PTPRT: variants seen among roughly 807,000 people sequenced by gnomAD.
PTPRT encodes the protein protein tyrosine phosphatase receptor type T.
A neutral mutation model predicts 176.8 loss-of-function variants in PTPRT; 56 were observed. The observed-to-expected ratio is 0.32, with a 90% CI of 0.26 to 0.40. The LOEUF (loss-of-function observed/expected upper bound fraction) is 0.40. PTPRT is among the 10% of genes least tolerant of loss of function. The pLI is 1.00. For synonymous variants in PTPRT, 783 were observed against 739.0 expected, an observed-to-expected ratio of 1.06 and a Z score of -0.96; for missense variants, 1,540 against 1,908.2, an observed-to-expected ratio of 0.81 and a Z score of 3.60.
intron 11 of PTPRT, among the ~76,000 whole-genome samples, chr20:42,317,837 T>C (rs2057742760): frequency 6.6e-6 from 1 of 152,112 alleles, no homozygotes; most frequent in Non-Finnish European, 1.5e-5. Flanking sequence ...CTTAGATGAG[T>C]GCAGGTAAAC....
chr20:42,115,183 C>A lies in PTPRT; in HGVS notation c.3099+16G>T, dbSNP rs1250256752. 5 of 1,590,930 alleles carry A rather than the reference C, an allele frequency of 3.1e-6. No individual in the cohort carries two copies. The highest frequency in any genetic ancestry group is 1.3e-5 in the African/African-American group (1 of 74,412). On this transcript the variant is annotated intron_variant, in intron 22 of 30. Coordinates refer to ENST00000373187, the MANE Select transcript of PTPRT (RefSeq NM_007050.6). ...CTCATGGTGGACCGGCTGCCCACAG[C>A]CTCCAAGAAGCTTACCTTCTGGACT...
intron 9 of PTPRT, among the ~76,000 whole-genome samples, chr20:42,436,540 G>T (rs529753312): frequency 6.6e-6 from 1 of 152,304 alleles, no homozygotes; most frequent in East Asian, 1.9e-4. Flanking sequence ...AACACCAAAT[G>T]TTGGAGAGGG....
intron 15 of PTPRT, among the ~76,000 whole-genome samples, chr20:42,200,687 C>T (rs777378077): frequency 2.0e-5 from 3 of 152,126 alleles, no homozygotes; most frequent in Non-Finnish European, 4.4e-5. Flanking sequence ...TCAAATATTT[C>T]GAAAAAGCGA....
intron 8 of PTPRT, among the ~76,000 whole-genome samples, chr20:42,448,770 C>A (rs2070775447): frequency 6.6e-6 from 1 of 151,826 alleles, no homozygotes; most frequent in Non-Finnish European, 1.5e-5. Context: ...GGTGTCTAAT[C>A]TTTTGGCTTC....
In PTPRT at chr20:43,131,831, C is replaced by T. The variant is rs145181422; in HGVS notation, c.88+57815G>A. 1.5e-4 allele frequency among the ~76,000 whole-genome samples: 23 copies of T among 152,202 alleles called. No homozygotes were observed. In the East Asian group the frequency reaches 4.4e-3, roughly 29 times the overall value. On this transcript the variant is annotated intron_variant, in intron 1 of 30. Transcript: ENST00000373187. ...CGCATCATGCTTTAATAAGATTCAT[C>T]CCCCAAACACAGGCTATCAAAATAA...
At chr20:42,464,217 C>T (rs2071067807) in intron 8 of PTPRT, among the ~76,000 whole-genome samples, 1 of 152,144 alleles carries the variant, frequency 6.6e-6, no homozygotes, top group Admixed American at 6.5e-5. Flanking sequence ...AGGGCATGAA[C>T]TTTTATGTGG....
chr20:43,095,637 C>T (rs2012103634), intron 1 of PTPRT, among the ~76,000 whole-genome samples: 3 of 151,160 alleles, frequency 2.0e-5, no homozygotes, highest in Admixed American at 6.6e-5. Context: ...GATCTCTCTC[C>T]CTGACTCTCT....
chr20:42,646,879 A>C (rs2074914184), intron 7 of PTPRT, among the ~76,000 whole-genome samples: 1 of 104,380 alleles, frequency 9.6e-6, no homozygotes, highest in Non-Finnish European at 1.7e-5. Flanking sequence ...AACCTAAGAC[A>C]GCCTTTTTTT....
chr20:42,251,613 C>G (rs1439869026), intron 13 of PTPRT, among the ~76,000 whole-genome samples: 2 of 151,258 alleles, frequency 1.3e-5, no homozygotes, highest in Non-Finnish European at 2.9e-5. Context: ...GGGGTGAGTT[C>G]CAAAGGAAGA....
chr20:43,090,387 C>T (rs528918864), intron 1 of PTPRT, among the ~76,000 whole-genome samples: 5 of 151,956 alleles, frequency 3.3e-5, no homozygotes, highest in Non-Finnish European at 7.4e-5. Flanking sequence ...CCTGCCTCAG[C>T]CTCCTGAGTA....
chr20:42,813,496 A>G (rs2077731493), intron 2 of PTPRT, among the ~76,000 whole-genome samples: 1 of 141,386 alleles, frequency 7.1e-6, no homozygotes, highest in African/African-American at 2.7e-5. Context: ...CAAAATTAGT[A>G]TTTGTGGTAT....
At chr20:42,773,188 T>C (rs2077087953) in intron 4 of PTPRT, among the ~76,000 whole-genome samples, 1 of 152,204 alleles carries the variant, frequency 6.6e-6, no homozygotes. Context: ...GTGACCCCTT[T>C]CCATGCTATT....
chr20:42,054,706 TTC>T, the PTPRT span, among the ~76,000 whole-genome samples: 1 of 152,200 alleles, frequency 6.6e-6, no homozygotes, highest in Non-Finnish European at 1.5e-5. Context: ...CCCACATTCC[TTC>T]TCTCTCTTTG....
At chr20:42,886,132 C>T (rs1291012031) in intron 1 of PTPRT, among the ~76,000 whole-genome samples, 200 bp from the exon 2 acceptor site, 1 of 152,048 alleles carries the variant, frequency 6.6e-6, no homozygotes, top group Non-Finnish European at 1.5e-5. Flanking sequence ...GCACTGGCAT[C>T]TGCAGGCCTC....
At chr20:42,324,321 A>G (rs1284875328) in intron 11 of PTPRT, among the ~76,000 whole-genome samples, 4 of 152,210 alleles carry the variant, frequency 2.6e-5, no homozygotes, top group Non-Finnish European at 5.9e-5. Flanking sequence ...GAGAAAAGGC[A>G]AGGCCATAGA....
At chr20:42,730,596 G>T (rs2076445926) in intron 6 of PTPRT, among the ~76,000 whole-genome samples, 1 of 152,164 alleles carries the variant, frequency 6.6e-6, no homozygotes, top group African/African-American at 2.4e-5. Flanking sequence ...GAAATTCTCA[G>T]GGAACCAAAT....
At chr20:43,158,425 T>G (rs1326828287) in intron 1 of PTPRT, among the ~76,000 whole-genome samples, 1 of 152,222 alleles carries the variant, frequency 6.6e-6, no homozygotes, top group Non-Finnish European at 1.5e-5. Context: ...GAGGGTTCTG[T>G]ACTGGAGATA....
chr20:42,717,136 T>C (rs1600655367), intron 6 of PTPRT, among the ~76,000 whole-genome samples: 1 of 151,716 alleles, frequency 6.6e-6, no homozygotes, highest in East Asian at 1.9e-4. Context: ...TGTATACATA[T>C]GTAACTAACC....
chr20:43,096,652 A>G (rs2012181958), intron 1 of PTPRT, among the ~76,000 whole-genome samples: 3 of 152,188 alleles, frequency 2.0e-5, no homozygotes, highest in Admixed American at 2.0e-4. Context: ...AATACTAAAC[A>G]GGGCCCTTCC....
Sources: gnomAD v4.1 joint callset for allele counts (sites outside exome capture counted in the v4.1 genomes callset) on GRCh38, gnomAD v4.1.1 for gene constraint, MANE v1.5 for transcripts, NCBI Gene and HGNC (gene_info 2026-07-23, HGNC 2026-07-21) for gene names.